CWC27: variants seen among roughly 807,000 people sequenced by gnomAD.
CWC27 encodes spliceosome-associated protein CWC27 homolog.
Under a neutral mutation model 63.6 loss-of-function variants are expected in CWC27, and 47 were observed. The observed-to-expected ratio is 0.74, with a 90% CI of 0.58 to 0.94. The LOEUF (loss-of-function observed/expected upper bound fraction) is 0.94. Among genes scored for constraint, CWC27 ranks in the 40% least tolerant of loss-of-function variants. CWC27 has a pLI of 0.00. For missense variants in CWC27, 495 were observed against 554.3 expected, an observed-to-expected ratio of 0.89 and a Z score of 1.07; for synonymous variants, 175 against 179.8, an observed-to-expected ratio of 0.97 and a Z score of 0.22.
chr5:65,008,172 T>C (rs1749885011), intron 13 of CWC27, among the ~76,000 whole-genome samples: 1 of 152,230 alleles, frequency 6.6e-6, no homozygotes, highest in African/African-American at 2.4e-5. Context: ...TATTGCTTCA[T>C]TGAATATAAC....
chr5:64,782,664 T>C (rs1308092475), intron 3 of CWC27, among the ~76,000 whole-genome samples: 2 of 152,092 alleles, frequency 1.3e-5, no homozygotes. Context: ...TTTGAATGAG[T>C]AAATATTGGT....
In CWC27 at chr5:64,885,442, G is replaced by A. The variant is rs1420697955; in HGVS notation, c.939-1G>A. The A allele has an allele frequency of 1.3e-6, 2 of 1,598,332 alleles. No homozygotes were observed. Among genetic ancestry groups the A allele is most frequent in the East Asian group, 2.2e-5 (1 of 44,644 alleles). ...CTTATATAACTCTTTTTGCTTTATA[G>A]TGAAGAGCTCAGAAAAGAAGCAAGA... On this transcript the variant is annotated splice_acceptor_variant, in intron 10 of 13. Transcript: ENST00000381070. LOFTEE classifies it high-confidence loss of function.
chr5:64,769,259 G>A lies in CWC27; in HGVS notation c.42+71G>A, dbSNP rs1006053202. 83 of 1,429,736 alleles carry A rather than the reference G, an allele frequency of 5.8e-5. No individual in the cohort carries two copies. In the Middle Eastern group the frequency reaches 7.1e-4, roughly 12 times the overall value. 88.6% of individuals were successfully genotyped at this position (1,429,736 alleles called of 1,614,324 possible). A position where few individuals can be genotyped will look rare whatever the true frequency, so the allele number is the denominator to read the frequency against. ...TGAGATTTCCCGGATTTGGGGTGGG[G>A]AGTGGGTTTCAGGATCTCGTGGTAG... is the stretch of plus-strand genomic sequence containing the variant. On this transcript the variant is annotated intron_variant, in intron 1 of 13. Transcript: ENST00000381070.
At chr5:64,843,593 T>G (rs1298245396) in intron 10 of CWC27, among the ~76,000 whole-genome samples, 1 of 152,148 alleles carries the variant, frequency 6.6e-6, no homozygotes, top group African/African-American at 2.4e-5. Context: ...AATATAATAT[T>G]ATGTAAATGT....
intron 11 of CWC27, among the ~76,000 whole-genome samples, chr5:64,919,211 G>T (rs559306548): frequency 6.6e-6 from 1 of 152,176 alleles, no homozygotes; most frequent in East Asian, 1.9e-4. Context: ...TAATTTTGTT[G>T]CTTCGTTTTG....
intron 11 of CWC27, among the ~76,000 whole-genome samples, chr5:64,887,262 G>T (rs1306007322): frequency 2.0e-5 from 3 of 151,986 alleles, no homozygotes; most frequent in Non-Finnish European, 4.4e-5. Context: ...GTCTCCCTTT[G>T]AAATAATAAA....
chr5:64,777,382 C>T (rs1270914013), intron 2 of CWC27, among the ~76,000 whole-genome samples: 1 of 151,920 alleles, frequency 6.6e-6, no homozygotes, highest in Non-Finnish European at 1.5e-5. Context: ...GCAGACTGGT[C>T]GCAAGATGAG....
chr5:65,007,418 G>A (rs1749866779), intron 13 of CWC27, among the ~76,000 whole-genome samples: 1 of 152,142 alleles, frequency 6.6e-6, no homozygotes, highest in South Asian at 2.1e-4. Context: ...CTCTACTTGG[G>A]TTGCTATAAA....
chr5:64,842,268 G>T (rs1023839998), intron 10 of CWC27, among the ~76,000 whole-genome samples: 1 of 151,904 alleles, frequency 6.6e-6, no homozygotes, highest in African/African-American at 2.4e-5. Flanking sequence ...CTACTTGTAG[G>T]CTTCAATCTG....
chr5:64,885,285 A>G (rs1580702237), intron 10 of CWC27, among the ~76,000 whole-genome samples, 158 bp from the exon 11 acceptor site: 1 of 152,120 alleles, frequency 6.6e-6, no homozygotes, highest in African/African-American at 2.4e-5. Flanking sequence ...CTTTAAGTGT[A>G]TTTCTATAGC....
intron 12 of CWC27, 109 bp from the exon 13 acceptor site, chr5:64,977,026 T>A: frequency 3.5e-6 from 2 of 564,636 alleles, no homozygotes; most frequent in Non-Finnish European, 5.8e-6. Flanking sequence ...AATCAAACAT[T>A]TTGTTTTACA....
chr5:64,846,825 C>T (rs1052370337), intron 10 of CWC27, among the ~76,000 whole-genome samples: 4 of 151,968 alleles, frequency 2.6e-5, no homozygotes, highest in Non-Finnish European at 5.9e-5. Flanking sequence ...GAGACCCTAT[C>T]TCTACTAAAA....
intron 13 of CWC27, among the ~76,000 whole-genome samples, chr5:65,005,864 A>G (rs944968291): frequency 1.3e-5 from 2 of 152,246 alleles, no homozygotes; most frequent in African/African-American, 2.4e-5. Context: ...CATCCAAGTA[A>G]TATTTTAAAA....
At chr5:64,951,290 A>G (rs1029433747) in intron 11 of CWC27, among the ~76,000 whole-genome samples, 3 of 151,828 alleles carry the variant, frequency 2.0e-5, no homozygotes, top group Non-Finnish European at 4.4e-5. Context: ...TGGTATTTCA[A>G]TGTGGTTTTA....
intron 2 of CWC27, 49 bp downstream of exon 2, chr5:64,774,836 A>G: frequency 9.4e-7 from 1 of 1,069,162 alleles, no homozygotes; most frequent in Non-Finnish European, 1.4e-6. Flanking sequence ...ATTTAAAAAT[A>G]AACTGCAGTG....
At chr5:64,995,935 C>T (rs1008156638) in intron 13 of CWC27, among the ~76,000 whole-genome samples, 4 of 152,106 alleles carry the variant, frequency 2.6e-5, no homozygotes, top group Non-Finnish European at 4.4e-5. Flanking sequence ...AACAGGTGGC[C>T]GCTACCTGAA....
At chr5:64,987,804 C>T (rs562686256) in intron 13 of CWC27, among the ~76,000 whole-genome samples, 59 of 152,250 alleles carry the variant, frequency 3.9e-4, no homozygotes, top group African/African-American at 1.4e-3. Flanking sequence ...AAAATCTTTA[C>T]TTATTCAAAT....
intron 11 of CWC27, among the ~76,000 whole-genome samples, chr5:64,963,536 C>T (rs1748957799): frequency 6.6e-6 from 1 of 152,084 alleles, no homozygotes; most frequent in African/African-American, 2.4e-5. Context: ...GTTGATCATA[C>T]TGTAAATAGA....
At chr5:64,831,996 T>C (rs915237517) in intron 10 of CWC27, among the ~76,000 whole-genome samples, 3 of 151,916 alleles carry the variant, frequency 2.0e-5, no homozygotes, top group Non-Finnish European at 2.9e-5. Context: ...TAATAGCACA[T>C]ATATTTGTGG....
Sources: gnomAD v4.1 joint callset for allele counts (sites outside exome capture counted in the v4.1 genomes callset) on GRCh38, gnomAD v4.1.1 for gene constraint, MANE v1.5 for transcripts, NCBI Gene and HGNC (gene_info 2026-07-23, HGNC 2026-07-21) for gene names.